Variants in MAEA observed in about 807,000 individuals in gnomAD.
MAEA encodes the protein E3 ubiquitin-protein transferase MAEA.
In MAEA, 22 loss-of-function variants were observed where a neutral mutation model predicts 46.2. The ratio of observed to expected loss-of-function variants is 0.48; its 90% CI spans 0.34 to 0.68. MAEA has a LOEUF of 0.68. MAEA is among the 30% of genes least tolerant of loss of function. The probability of loss-of-function intolerance (pLI) is 0.01; values close to 1 mark genes in which losing one functional copy is unlikely to be tolerated. For synonymous variants in MAEA, 246 were observed against 222.6 expected, an observed-to-expected ratio of 1.11 and a Z score of -0.94; for missense variants, 393 against 558.1, an observed-to-expected ratio of 0.70 and a Z score of 2.98.
Position 1,339,382 on chromosome 4 carries a change from G to A in MAEA, c.*213G>A, listed in dbSNP as rs1314946525. Reference sequence around the variant, plus strand: ...TTGGATTGGTAGGATTTTGTAACACGTCAACCATTTGATGCTTCTGAAAAG... The same window carrying A: ...TTGGATTGGTAGGATTTTGTAACACATCAACCATTTGATGCTTCTGAAAAG... On this transcript the variant is annotated 3_prime_UTR_variant, in exon 9 of 9. Transcript: ENST00000303400. The A allele has an allele frequency of 1.1e-5, 6 of 565,920 alleles. No individual in the cohort carries two copies. Among genetic ancestry groups the A allele is most frequent in the East Asian group, 2.9e-5 (1 of 34,418 alleles). The allele number at this position is 565,920 out of a possible 1,614,324, so 35.1% of individuals were successfully genotyped here.
At chr4:1,309,299 AC>A (rs1736139159) in intron 1 of MAEA, 1 of 417,844 alleles carries the variant, frequency 2.4e-6, no homozygotes, top group African/African-American at 2.3e-5. Flanking sequence ...CTGAAATTCC[AC>A]TCACTCGGTC....
At chr4:1,307,673 G>T (rs1735966073) in intron 1 of MAEA, among the ~76,000 whole-genome samples, 1 of 152,172 alleles carries the variant, frequency 6.6e-6, no homozygotes, top group Non-Finnish European at 1.5e-5. Flanking sequence ...CTGGTGCGTG[G>T]CTCAGTCCAA....
chr4:1,299,267 C>A (rs12642396), intron 1 of MAEA, among the ~76,000 whole-genome samples: 53,280 of 151,722 alleles, frequency 0.35, 11,191 homozygotes, highest in Non-Finnish European at 0.48. Context: ...GGAAGGGCAG[C>A]CCCTCCATCT....
At chr4:1,302,540 C>T (rs1425154288) in intron 1 of MAEA, among the ~76,000 whole-genome samples, 1 of 152,182 alleles carries the variant, frequency 6.6e-6, no homozygotes, top group Non-Finnish European at 1.5e-5. Flanking sequence ...AGTACAGTGG[C>T]GCCATCTCGG....
chr4:1,335,316 A>C, intron 6 of MAEA: 16 of 985,498 alleles, frequency 1.6e-5, no homozygotes, highest in Non-Finnish European at 1.9e-5. Flanking sequence ...ATTTTTTGTC[A>C]CAGTGCACAG....
intron 1 of MAEA, among the ~76,000 whole-genome samples, chr4:1,302,760 G>A (rs1488507660): frequency 9.9e-5 from 15 of 152,190 alleles, no homozygotes; most frequent in South Asian, 2.1e-4. Context: ...GATTATAGGC[G>A]TGAGCCACCG....
intron 3 of MAEA, among the ~76,000 whole-genome samples, chr4:1,318,979 A>T (rs1737666004): frequency 6.6e-6 from 1 of 151,902 alleles, no homozygotes; most frequent in African/African-American, 2.4e-5. Context: ...GGAACAGGAC[A>T]GGAAGCCTGC....
At chr4:1,314,955 G>T (rs560612521) in intron 2 of MAEA, among the ~76,000 whole-genome samples, 1 of 152,222 alleles carries the variant, frequency 6.6e-6, no homozygotes, top group African/African-American at 2.4e-5. Context: ...ACGTGGGCTG[G>T]TGGCAGCTGT....
intron 1 of MAEA, among the ~76,000 whole-genome samples, chr4:1,292,041 C>T (rs562962361): frequency 2.0e-5 from 3 of 152,282 alleles, no homozygotes; most frequent in Non-Finnish European, 2.9e-5. Context: ...ACATGCTGAG[C>T]TCACAGCTCA....
At position 1,289,960 on chromosome 4, in the gene MAEA, T is replaced by C; in HGVS notation, c.47T>C (p.Val16Ala). 1.3e-6 allele frequency: 2 copies of C among 1,598,814 alleles called. No homozygotes were observed. The highest frequency in any genetic ancestry group is 1.7e-6 in the Non-Finnish European group (2 of 1,172,598). Reference sequence around the variant, plus strand: ...GCTCAGTTGTCCATGACCCTGAAGGTCCAGGAGTACCCGACCCTCAAGGTG... The same window carrying C: ...GCTCAGTTGTCCATGACCCTGAAGGCCCAGGAGTACCCGACCCTCAAGGTG... ...SAAQLSMTLK[V>A]QEYPTLKVPY... Residue 16 changes from valine (V) to alanine (A), a missense_variant, in exon 1 of 9, where the codon GTC becomes GCC. Val to Ala is a moderately conservative substitution (Grantham distance 64). Around this residue, in one of 2 missense-constraint regions of MAEA, gnomAD observed 35 missense variants for 20.1 expected, o/e 1.74. Transcript: ENST00000303400.
intron 6 of MAEA, among the ~76,000 whole-genome samples, chr4:1,333,122 G>A (rs1712064937): frequency 6.6e-6 from 1 of 152,132 alleles, no homozygotes; most frequent in Non-Finnish European, 1.5e-5. Context: ...GACTGCTTGA[G>A]CCCAGGGGTT....
intron 7 of MAEA, 94 bp downstream of exon 7, chr4:1,337,088 C>T (rs1712866832): frequency 6.9e-7 from 1 of 1,451,634 alleles, no homozygotes. Flanking sequence ...CCACTCTTGT[C>T]CTCCCACCAC....
chr4:1,289,924 A>G lies in MAEA; in HGVS notation c.11A>G (p.Gln4Arg). The change falls in exon 1 of 9, where the codon CAG becomes CGG. Residue 4 changes from glutamine to arginine, a missense_variant. Gln to Arg is a conservative substitution (Grantham distance 43). This residue lies in a region of MAEA where 35 missense variants were observed against 20.1 expected (regional missense o/e 1.74). Transcript: ENST00000303400. The stretch of plus-strand genomic sequence containing the variant: ...TTTGGCCGCTTCAAGATGGCGGTGC[A>G]GGAGTCGGCGGCTCAGTTGTCCATG... MAVQESAAQLSMTL... is the reference protein window; with the variant it reads MAVRESAAQLSMTL... 6.2e-7 allele frequency: 1 copy of G among 1,600,410 alleles called. No homozygotes were observed. Among genetic ancestry groups the G allele is most frequent in the East Asian group, 2.3e-5 (1 of 44,060 alleles).
Position 1,319,228 on chromosome 4 carries a change from C to G in MAEA, c.457-3153C>G, listed in dbSNP as rs1287909332. ...ATTAGCTGGGAGTGTTGGTGGGTGC[C>G]TGGGGTCCCAGCTACTCTGGAGGCT... On this transcript the variant is annotated intron_variant, in intron 3 of 8. Coordinates refer to ENST00000303400, the MANE Select transcript of MAEA (RefSeq NM_001017405.3). 2.0e-5 allele frequency among the ~76,000 whole-genome samples: 3 copies of G among 152,078 alleles called. No homozygotes were observed. In the East Asian group the frequency reaches 5.8e-4, roughly 29 times the overall value.
chr4:1,322,093 C>G (rs1738201669), intron 3 of MAEA, among the ~76,000 whole-genome samples: 1 of 152,306 alleles, frequency 6.6e-6, no homozygotes, highest in East Asian at 1.9e-4. Context: ...GCATGTGTGT[C>G]TCAGCAGCTC....
At chr4:1,323,489 A>T in intron 4 of MAEA, 1 of 702,568 alleles carries the variant, frequency 1.4e-6, no homozygotes, top group Non-Finnish European at 2.6e-6. Context: ...ACACACTGCC[A>T]CTCAGGGCCG....
intron 5 of MAEA, among the ~76,000 whole-genome samples, chr4:1,328,262 C>T (rs1739098953): frequency 6.6e-6 from 1 of 152,240 alleles, no homozygotes; most frequent in Non-Finnish European, 1.5e-5. Flanking sequence ...GGGATGCTGG[C>T]TGTCACTGTG....
intron 1 of MAEA, among the ~76,000 whole-genome samples, chr4:1,302,899 T>A (rs976939881): frequency 6.6e-6 from 1 of 152,326 alleles, no homozygotes; most frequent in Non-Finnish European, 1.5e-5. Flanking sequence ...AGTGAGGTGC[T>A]GCTTCCTACC....
At chr4:1,298,675 T>TC (rs1026754272) in intron 1 of MAEA, among the ~76,000 whole-genome samples, 5 of 151,966 alleles carry the variant, frequency 3.3e-5, no homozygotes, top group Non-Finnish European at 7.4e-5. Context: ...TCCTCGCGTT[T>TC]CCCCCCGGGC....
Sources: gnomAD v4.1 joint callset for allele counts (sites outside exome capture counted in the v4.1 genomes callset) on GRCh38, gnomAD v4.1.1 for gene constraint, gnomAD v4.1.1 regional missense constraint, MANE v1.5 for transcripts, NCBI Gene and HGNC (gene_info 2026-07-23, HGNC 2026-07-21) for gene names.